Variants in TEKT5 observed in about 807,000 individuals in gnomAD.
The protein encoded by TEKT5 is tektin-5.
TEKT5 carries 52 observed loss-of-function variants against 48.7 expected under a neutral mutation model. The observed-to-expected ratio is 1.07, with a 90% CI of 0.86 to 1.35. The LOEUF is 1.35. TEKT5 is among the 40% of genes most tolerant of loss of function. The pLI is 0.00. For synonymous variants in TEKT5, 318 were observed against 267.6 expected, an observed-to-expected ratio of 1.19 and a Z score of -1.84; for missense variants, 831 against 641.6, an observed-to-expected ratio of 1.30 and a Z score of -3.19.
In TEKT5 at chr16:10,658,788, G is replaced by A. The variant is rs151083972; in HGVS notation, c.1086+17171C>T. 9.8e-3 allele frequency among the ~76,000 whole-genome samples: 1,485 copies of A among 151,914 alleles called. 20 individuals carry two copies. The highest frequency in any genetic ancestry group is 0.034 in the African/African-American group (1,422 of 41,374). Reference sequence around the variant, plus strand: ...GCTGGAGTGCAGTGGTGCCATCTCAGCTCACTGCAACCTCTGCCTCCTGGG... The same window carrying A: ...GCTGGAGTGCAGTGGTGCCATCTCAACTCACTGCAACCTCTGCCTCCTGGG... On this transcript the variant is annotated intron_variant, in intron 5 of 6. Transcript: ENST00000283025.
intron 5 of TEKT5, among the ~76,000 whole-genome samples, chr16:10,662,273 A>C (rs1898386584): frequency 6.6e-6 from 1 of 152,190 alleles, no homozygotes; most frequent in Non-Finnish European, 1.5e-5. Flanking sequence ...AATGGGGGCA[A>C]AATCACCTTG....
At chr16:10,687,954 C>T (rs1421774215) in intron 3 of TEKT5, among the ~76,000 whole-genome samples, 3 of 152,202 alleles carry the variant, frequency 2.0e-5, no homozygotes, top group Admixed American at 6.5e-5. Context: ...TCCCCTCCAG[C>T]ATTTATCATT....
chr16:10,645,312 C>G (rs922152651), intron 5 of TEKT5, among the ~76,000 whole-genome samples: 3 of 152,066 alleles, frequency 2.0e-5, no homozygotes, highest in African/African-American at 7.2e-5. Context: ...GAGTTCGAGA[C>G]CAGCCTGGGC....
At chr16:10,629,300 G>T (rs1897800951) in intron 6 of TEKT5, among the ~76,000 whole-genome samples, 1 of 151,722 alleles carries the variant, frequency 6.6e-6, no homozygotes, top group Non-Finnish European at 1.5e-5. Flanking sequence ...ATCCAGGCTG[G>T]AGTGCAGTGG....
intron 5 of TEKT5, among the ~76,000 whole-genome samples, chr16:10,666,292 G>T (rs1179061000): frequency 6.6e-6 from 1 of 152,112 alleles, no homozygotes; most frequent in Admixed American, 6.5e-5. Flanking sequence ...CAGATCTGAA[G>T]AATTCTGGAG....
chr16:10,646,794 C>T (rs1000558751), intron 5 of TEKT5, among the ~76,000 whole-genome samples: 1 of 152,216 alleles, frequency 6.6e-6, no homozygotes, highest in African/African-American at 2.4e-5. Context: ...GAGGCCAGCC[C>T]TTCACCTGGT....
intron 3 of TEKT5, among the ~76,000 whole-genome samples, chr16:10,686,860 A>G (rs1407287754): frequency 1.3e-5 from 2 of 152,256 alleles, no homozygotes; most frequent in Non-Finnish European, 2.9e-5. Flanking sequence ...ATGAATGGAT[A>G]AAGAAAAGGT....
Position 10,690,800 on chromosome 16 carries a change from C to G in TEKT5, c.565-775G>C, listed in dbSNP as rs115579316. ...TGACAAACAGCAGTGATTAGCAAAC[C>G]AGCCCGTGATGTCACAAAGGGCCCA... is the stretch of plus-strand genomic sequence containing the variant. On this transcript the variant is annotated intron_variant, in intron 1 of 6. Coordinates refer to ENST00000283025, the MANE Select transcript of TEKT5 (RefSeq NM_144674.2). 1,748 of 985,234 alleles carry G rather than the reference C, an allele frequency of 1.8e-3. 25 individuals carry two copies. In the African/African-American group the frequency reaches 0.027, roughly 15 times the overall value. The allele number at this position is 985,234 out of a possible 1,614,324, so 61.0% of individuals were successfully genotyped here.
intron 2 of TEKT5, 94 bp downstream of exon 2, chr16:10,689,848 G>C: frequency 8.1e-7 from 1 of 1,238,242 alleles, no homozygotes; most frequent in Non-Finnish European, 1.2e-6. Context: ...GACACGTGTG[G>C]CTTCTGCTCC....
chr16:10,639,947 C>A (rs1240908925), intron 5 of TEKT5, among the ~76,000 whole-genome samples: 2 of 152,188 alleles, frequency 1.3e-5, no homozygotes, highest in African/African-American at 4.8e-5. Context: ...TGATCTCCCA[C>A]CAGCCCACCC....
At chr16:10,681,678 G>A (rs1355463490) in intron 4 of TEKT5, among the ~76,000 whole-genome samples, 1 of 151,000 alleles carries the variant, frequency 6.6e-6, no homozygotes, top group African/African-American at 2.4e-5. Flanking sequence ...CTCTCTTCCT[G>A]AAATTTGGAT....
At chr16:10,661,373 G>A (rs761256887) in intron 5 of TEKT5, among the ~76,000 whole-genome samples, 1 of 152,136 alleles carries the variant, frequency 6.6e-6, no homozygotes. Flanking sequence ...AGCATCTTTG[G>A]ACTTGAAGAG....
chr16:10,685,477 A>G (rs1294719974), intron 3 of TEKT5, among the ~76,000 whole-genome samples: 1 of 152,052 alleles, frequency 6.6e-6, no homozygotes, highest in African/African-American at 2.4e-5. Flanking sequence ...TTGTGTTTTT[A>G]GTAGAGACGG....
At chr16:10,654,000 G>GTGTGTGTGTGTGTGCA (rs773080910) in intron 5 of TEKT5, among the ~76,000 whole-genome samples, 1 of 147,474 alleles carries the variant, frequency 6.8e-6, no homozygotes, top group Non-Finnish European at 1.5e-5. Flanking sequence ...GTGTGTGAAC[G>GTGTGTGTGTGTGTGCA]TGTGTGTGTG....
At chr16:10,671,954 A>C (rs1898555485) in intron 5 of TEKT5, among the ~76,000 whole-genome samples, 1 of 152,226 alleles carries the variant, frequency 6.6e-6, no homozygotes, top group Admixed American at 6.5e-5. Context: ...CTATAATTCA[A>C]GATGAGATCT....
intron 6 of TEKT5, among the ~76,000 whole-genome samples, chr16:10,633,084 G>A (rs1457353867): frequency 2.6e-5 from 4 of 152,218 alleles, no homozygotes; most frequent in Admixed American, 6.5e-5. Flanking sequence ...TGGCGGGGCC[G>A]CCACTGTGGC....
chr16:10,653,318 C>T (rs1379950659), intron 5 of TEKT5, among the ~76,000 whole-genome samples: 5 of 152,300 alleles, frequency 3.3e-5, no homozygotes, highest in East Asian at 1.9e-4. Context: ...CTCCCTTTCC[C>T]GCCCAAACTC....
At chr16:10,680,351 C>T (rs9926858) in intron 4 of TEKT5, among the ~76,000 whole-genome samples, 2 of 152,324 alleles carry the variant, frequency 1.3e-5, no homozygotes, top group East Asian at 3.9e-4. Flanking sequence ...CCCTTCCTCC[C>T]TTCCTGTGGT....
intron 1 of TEKT5, among the ~76,000 whole-genome samples, chr16:10,691,624 G>A (rs1898978545): frequency 2.6e-5 from 4 of 152,144 alleles, no homozygotes; most frequent in Admixed American, 2.6e-4. Context: ...GGGTTATGGG[G>A]AGGGGTGGAG....
Sources: gnomAD v4.1 joint callset for allele counts (sites outside exome capture counted in the v4.1 genomes callset) on GRCh38, gnomAD v4.1.1 for gene constraint, MANE v1.5 for transcripts, NCBI Gene and HGNC (gene_info 2026-07-23, HGNC 2026-07-21) for gene names.